KCNJ3: variants seen among roughly 807,000 people sequenced by gnomAD.
KCNJ3 encodes the protein potassium inwardly rectifying channel subfamily J member 3, also known as G protein-activated inward rectifier potassium channel 1.
Under a neutral mutation model 39.2 loss-of-function variants are expected in KCNJ3, and 4 were observed. The observed-to-expected ratio is 0.10, with a 90% CI of 0.05 to 0.23. KCNJ3 has a LOEUF of 0.23. KCNJ3 is among the 10% of genes least tolerant of loss of function. KCNJ3 has a pLI of 1.00. For missense variants in KCNJ3, 276 were observed against 634.9 expected (o/e 0.43, Z 6.08); for synonymous variants, 230 against 237.4 (o/e 0.97, Z 0.29).
At chr2:154,828,950 T>G (rs1306669129) in intron 2 of KCNJ3, among the ~76,000 whole-genome samples, 1 of 152,202 alleles carries the variant, frequency 6.6e-6, no homozygotes, top group Admixed American at 6.5e-5. Flanking sequence ...TAACTGATTT[T>G]ATATAATGTT....
chr2:154,799,748 T>G (rs1267144443), intron 2 of KCNJ3, among the ~76,000 whole-genome samples: 1 of 152,152 alleles, frequency 6.6e-6, no homozygotes, highest in East Asian at 1.9e-4. Context: ...TCCACCCACT[T>G]CCTAGGTAAT....
chr2:154,702,288 T>C (rs1198420080), intron 1 of KCNJ3, among the ~76,000 whole-genome samples: 1 of 152,002 alleles, frequency 6.6e-6, no homozygotes, highest in Non-Finnish European at 1.5e-5. Context: ...TGCTAGTAAC[T>C]ATAGTGCATG....
chr2:154,727,122 G>T (rs3106676), intron 2 of KCNJ3, among the ~76,000 whole-genome samples: 41,913 of 151,806 alleles, frequency 0.28, 5,920 homozygotes, highest in South Asian at 0.3. Context: ...AAAAAACTTA[G>T]CCATGTAACC....
intron 1 of KCNJ3, among the ~76,000 whole-genome samples, chr2:154,702,495 A>G (rs1046291350): frequency 6.6e-6 from 1 of 151,926 alleles, no homozygotes; most frequent in East Asian, 1.9e-4. Context: ...CATGTATAAT[A>G]GTTTTTAAAT....
At chr2:154,825,276 A>T (rs1401464336) in intron 2 of KCNJ3, among the ~76,000 whole-genome samples, 2 of 152,156 alleles carry the variant, frequency 1.3e-5, no homozygotes, top group Non-Finnish European at 2.9e-5. Flanking sequence ...TGTCTTCCAA[A>T]AGTGCCTGTG....
Position 154,804,122 on chromosome 2 carries a change from A to T in KCNJ3, c.920-50605A>T, listed in dbSNP as rs547004400. 2.1e-4 allele frequency among the ~76,000 whole-genome samples: 32 copies of T among 152,262 alleles called. No individual in the cohort carries two copies. In the East Asian group the frequency reaches 5.4e-3, roughly 26 times the overall value. Reference sequence around the variant, plus strand: ...AAAGACATAGCTAATAAAATGATTTAAAAAATGCTTAAATAGATAAAAATA... The same window carrying T: ...AAAGACATAGCTAATAAAATGATTTTAAAAATGCTTAAATAGATAAAAATA... On this transcript the variant is annotated intron_variant, in intron 2 of 2. Coordinates refer to ENST00000295101, the MANE Select transcript of KCNJ3 (RefSeq NM_002239.4).
intron 2 of KCNJ3, among the ~76,000 whole-genome samples, chr2:154,848,737 A>G (rs1687705017): frequency 1.3e-5 from 2 of 152,290 alleles, no homozygotes; most frequent in Admixed American, 6.5e-5. Context: ...AGAGAGGCAA[A>G]GCACCATTCC....
chr2:154,854,088 A>G (rs1687800312), intron 2 of KCNJ3, among the ~76,000 whole-genome samples: 1 of 152,192 alleles, frequency 6.6e-6, no homozygotes, highest in African/African-American at 2.4e-5. Flanking sequence ...AATACTTGGG[A>G]GAGTTACCTT....
intron 2 of KCNJ3, among the ~76,000 whole-genome samples, chr2:154,831,491 G>T (rs1231870949): frequency 6.6e-6 from 1 of 152,126 alleles, no homozygotes; most frequent in Non-Finnish European, 1.5e-5. Context: ...TAATTGCCAG[G>T]TCTGTCAAAG....
intron 2 of KCNJ3, among the ~76,000 whole-genome samples, chr2:154,854,012 T>C (rs1026002941): frequency 7.9e-5 from 12 of 152,158 alleles, no homozygotes; most frequent in African/African-American, 2.9e-4. Context: ...TGCAAAAGAA[T>C]AGAACCAGCA....
chr2:154,728,176 T>C (rs1279514509), intron 2 of KCNJ3, among the ~76,000 whole-genome samples: 1 of 152,108 alleles, frequency 6.6e-6, no homozygotes, highest in Non-Finnish European at 1.5e-5. Flanking sequence ...TATGTATTAG[T>C]ATAGATACAT....
In KCNJ3 at chr2:154,723,467, AAAAC is replaced by A. The variant is rs775723210; in HGVS notation, c.919+13664_919+13667del. On this transcript the variant is annotated intron_variant, in intron 2 of 2. Coordinates refer to ENST00000295101, the MANE Select transcript of KCNJ3 (RefSeq NM_002239.4). ...GCCAGACTTTCACTTTATGAGGCAA[AAAAC>A]AAACAAACAAACAAAAAGGGAAGCT... Among the ~76,000 whole-genome samples, 6 of 152,274 alleles carry A rather than the reference AAAAC, an allele frequency of 3.9e-5. No individual in the cohort carries two copies. The East Asian group carries it at 5.8e-4, about 15-fold the overall frequency.
intron 2 of KCNJ3, among the ~76,000 whole-genome samples, chr2:154,808,939 A>G (rs962006271): frequency 2.0e-5 from 3 of 152,178 alleles, no homozygotes; most frequent in African/African-American, 7.2e-5. Context: ...TGTCTGTCAG[A>G]TACCTTGATT....
intron 2 of KCNJ3, among the ~76,000 whole-genome samples, chr2:154,764,310 T>C (rs995887746): frequency 2.6e-5 from 4 of 152,212 alleles, no homozygotes; most frequent in Admixed American, 2.6e-4. Context: ...AGATTAGGCT[T>C]GATCAGCCTT....
Position 154,855,459 on chromosome 2 carries a change from T to C in KCNJ3, c.*146T>C, listed in dbSNP as rs1558892910. Reference sequence around the variant, plus strand: ...TTGAGAACCCTTCCTTTCCCAAGTATTGCGAATGTGCAGAAAGCAACAGTT... The same window carrying C: ...TTGAGAACCCTTCCTTTCCCAAGTACTGCGAATGTGCAGAAAGCAACAGTT... On this transcript the variant is annotated 3_prime_UTR_variant, in exon 3 of 3. Transcript: ENST00000295101. 1 of 625,882 alleles carries C rather than the reference T, an allele frequency of 1.6e-6. No homozygotes were observed. Among genetic ancestry groups the C allele is most frequent in the Non-Finnish European group, 2.8e-6 (1 of 362,960 alleles). The allele number at this position is 625,882 out of a possible 1,614,324, so 38.8% of individuals were successfully genotyped here. A position where few individuals can be genotyped will look rare whatever the true frequency, so the allele number is the denominator to read the frequency against.
intron 2 of KCNJ3, among the ~76,000 whole-genome samples, chr2:154,764,274 T>C (rs1686095490): frequency 6.6e-6 from 1 of 152,208 alleles, no homozygotes. Context: ...TCCTCTCTTT[T>C]ACCCTTTGGT....
intron 2 of KCNJ3, among the ~76,000 whole-genome samples, chr2:154,790,999 GTCC>G (rs533091258): frequency 1.1e-3 from 160 of 152,114 alleles, no homozygotes; most frequent in African/African-American, 3.7e-3. Context: ...CATCGCATTT[GTCC>G]TCCTTCTCTC....
At chr2:154,751,358 A>G (rs1337566284) in intron 2 of KCNJ3, among the ~76,000 whole-genome samples, 2 of 151,998 alleles carry the variant, frequency 1.3e-5, no homozygotes. Context: ...TATCAAAATA[A>G]TTTCTAATTT....
Position 154,857,557 on chromosome 2 carries a change from C to G in KCNJ3, c.*2244C>G, listed in dbSNP as rs943216033. ...GGGAGGAGACAAAAAACAAATAAGA[C>G]CACTTCAGACAATCAAAGTATCAGT... On this transcript the variant is annotated 3_prime_UTR_variant, in exon 3 of 3. Transcript: ENST00000295101. The G allele has an allele frequency of 6.6e-6, 1 of 151,962 alleles. No homozygotes were observed. Among genetic ancestry groups the G allele is most frequent in the African/African-American group, 2.4e-5 (1 of 41,346 alleles). 9.4% of individuals were successfully genotyped at this position (151,962 alleles called of 1,614,324 possible).
Sources: allele counts gnomAD v4.1 joint callset (sites outside exome capture counted in the v4.1 genomes callset), GRCh38; gene constraint gnomAD v4.1.1; transcripts MANE v1.5; gene names NCBI Gene and HGNC (gene_info 2026-07-23, HGNC 2026-07-21).